The following ANXA8 variants were observed in gnomAD, a reference collection of about 807,000 sequenced individuals.
ANXA8 encodes annexin A8, also known as VAC-beta.
In ANXA8, 9 loss-of-function variants were observed where a neutral mutation model predicts 26.8. That is an observed-to-expected ratio of 0.34 (90% CI 0.20 to 0.59). The LOEUF (loss-of-function observed/expected upper bound fraction) is 0.59. Among genes scored for constraint, ANXA8 ranks in the 20% least tolerant of loss-of-function variants. The pLI, the probability that ANXA8 is intolerant of heterozygous loss-of-function variation, is 0.84. For synonymous variants in ANXA8, 39 were observed against 94.8 expected, an observed-to-expected ratio of 0.41 and a Z score of 3.42; for missense variants, 83 against 238.5, an observed-to-expected ratio of 0.35 and a Z score of 4.29.
At chr10:47,925,715 T>G in the ANXA8 span, among the ~76,000 whole-genome samples, 1 of 145,262 alleles carries the variant, frequency 6.9e-6, no homozygotes, top group African/African-American at 2.5e-5. Context: ...CATTAAAGTT[T>G]GAGAAGCTCT....
chr10:47,704,096 T>C, the ANXA8 span, among the ~76,000 whole-genome samples: 2 of 141,076 alleles, frequency 1.4e-5, 1 homozygote, highest in Non-Finnish European at 3.2e-5. Flanking sequence ...AAATCCTACA[T>C]AGAAAAAGCA....
the ANXA8 span, among the ~76,000 whole-genome samples, chr10:47,648,422 C>G: frequency 6.7e-6 from 1 of 150,332 alleles, no homozygotes; most frequent in Non-Finnish European, 1.5e-5. Context: ...TCTGTGGTTA[C>G]AGAGACCTCA....
the ANXA8 span, among the ~76,000 whole-genome samples, chr10:47,937,802 A>G: frequency 2.3e-5 from 3 of 132,870 alleles, no homozygotes; most frequent in Non-Finnish European, 4.7e-5. Context: ...GCAGCCATAA[A>G]AAAGAACAAG....
chr10:47,639,142 T>C, the ANXA8 span, among the ~76,000 whole-genome samples: 1 of 148,154 alleles, frequency 6.7e-6, no homozygotes, highest in Non-Finnish European at 1.5e-5. Context: ...TTTCTTTTTC[T>C]TTTTTTGAGA....
At chr10:47,684,040 T>G in the ANXA8 span, among the ~76,000 whole-genome samples, 1 of 151,960 alleles carries the variant, frequency 6.6e-6, no homozygotes, top group Non-Finnish European at 1.5e-5. Context: ...ACTCTAAAGA[T>G]AAAGGATTAT....
chr10:47,685,376 A>AC, the ANXA8 span, among the ~76,000 whole-genome samples: 1 of 151,008 alleles, frequency 6.6e-6, no homozygotes, highest in Non-Finnish European at 1.5e-5. Flanking sequence ...AAGAAAAAAA[A>AC]ACACAAAAAA....
chr10:47,738,703 G>C, the ANXA8 span, among the ~76,000 whole-genome samples: 1 of 151,684 alleles, frequency 6.6e-6, no homozygotes. Context: ...CAGCCTCCTT[G>C]GTAACTGGGG....
At chr10:47,985,106 G>A in the ANXA8 span, among the ~76,000 whole-genome samples, 1 of 146,380 alleles carries the variant, frequency 6.8e-6, no homozygotes, top group Non-Finnish European at 1.5e-5. Context: ...AATGCATAAA[G>A]AGCTCTCAAA....
chr10:47,572,553 T>G, the ANXA8 span, among the ~76,000 whole-genome samples: 37 of 151,156 alleles, frequency 2.4e-4, no homozygotes, highest in Middle Eastern at 3.4e-3. Context: ...CCGTCTCCAC[T>G]AAAAATAGAA....
chr10:47,659,073 G>A, the ANXA8 span, among the ~76,000 whole-genome samples: 13 of 151,854 alleles, frequency 8.6e-5, no homozygotes, highest in East Asian at 2.0e-4. Context: ...GGGTTTCACC[G>A]TGTTAGCTAG....
chr10:47,674,295 C>A, the ANXA8 span, among the ~76,000 whole-genome samples: 4 of 150,862 alleles, frequency 2.7e-5, no homozygotes, highest in African/African-American at 7.4e-5. Flanking sequence ...CCACACCTGG[C>A]TAATTTTTTT....
At chr10:47,944,333 C>T in the ANXA8 span, among the ~76,000 whole-genome samples, 1 of 148,894 alleles carries the variant, frequency 6.7e-6, no homozygotes, top group African/African-American at 2.5e-5. Context: ...TGGGTAAACA[C>T]CGTCAATCTA....
the ANXA8 span, among the ~76,000 whole-genome samples, chr10:47,557,967 C>T: frequency 2.0e-5 from 3 of 151,824 alleles, no homozygotes; most frequent in East Asian, 3.9e-4. Flanking sequence ...TTTATTTCTC[C>T]TAGAGAAACT....
the ANXA8 span, among the ~76,000 whole-genome samples, chr10:47,668,117 CCT>C: frequency 6.0e-5 from 9 of 150,088 alleles, no homozygotes; most frequent in African/African-American, 2.2e-4. Context: ...GGTTTTTTTT[CCT>C]CTCTGTTTTC....
the ANXA8 span, among the ~76,000 whole-genome samples, chr10:47,640,830 G>C: frequency 1.5e-5 from 2 of 132,664 alleles, no homozygotes; most frequent in Non-Finnish European, 3.1e-5. Context: ...ACTTTGGCAT[G>C]ATGAGCAGAG....
chr10:47,955,013 C>T, the ANXA8 span, among the ~76,000 whole-genome samples: 11 of 148,308 alleles, frequency 7.4e-5, no homozygotes, highest in African/African-American at 2.7e-4. Context: ...TGTCCCCACC[C>T]AAATCTCATC....
the ANXA8 span, among the ~76,000 whole-genome samples, chr10:47,768,504 G>A: frequency 2.0e-5 from 3 of 151,032 alleles, no homozygotes; most frequent in Non-Finnish European, 4.4e-5. Flanking sequence ...CCAGTGAGAG[G>A]AAGGGCTGAG....
chr10:47,485,672 T>A (rs1840026263), upstream of ANXA8, among the ~76,000 whole-genome samples: 3 of 152,114 alleles, frequency 2.0e-5, no homozygotes, highest in East Asian at 1.9e-4. Flanking sequence ...CTCTTTTTTT[T>A]AATTAAAAAA....
the ANXA8 span, among the ~76,000 whole-genome samples, chr10:47,940,452 G>A: frequency 7.7e-4 from 113 of 147,402 alleles, 10 homozygotes; most frequent in East Asian, 0.022. Context: ...TCCAGCAACA[G>A]CATGAAAAAA....
Sources: gnomAD v4.1 joint callset for allele counts (sites outside exome capture counted in the v4.1 genomes callset) on GRCh38, gnomAD v4.1.1 for gene constraint, MANE v1.5 for transcripts, NCBI Gene and HGNC (gene_info 2026-07-23, HGNC 2026-07-21) for gene names.